KHDRBS2: variants seen among roughly 807,000 people sequenced by gnomAD.
KHDRBS2 encodes the protein KH domain-containing, RNA-binding, signal transduction-associated protein 2.
Under a neutral mutation model 44.3 loss-of-function variants are expected in KHDRBS2, and 26 were observed. The ratio of observed to expected loss-of-function variants is 0.59; its 90% CI spans 0.43 to 0.81. The LOEUF is 0.81. KHDRBS2 is among the 40% of genes least tolerant of loss of function. The pLI is 0.00. For missense variants in KHDRBS2, 476 were observed against 433.1 expected (o/e 1.10, Z -0.88); for synonymous variants, 194 against 151.1 (o/e 1.28, Z -2.08).
intron 7 of KHDRBS2, among the ~76,000 whole-genome samples, chr6:61,698,170 G>A (rs1768131952): frequency 6.6e-6 from 1 of 152,142 alleles, no homozygotes; most frequent in African/African-American, 2.4e-5. Context: ...TAACACAGTT[G>A]ATTATTTCAT....
At position 61,782,689 on chromosome 6, in the gene KHDRBS2, GTATATATATATATATATATATATA is replaced by G. The variant is rs70993182; in HGVS notation, c.811-49949_811-49926del. Among the ~76,000 whole-genome samples, 382 of 111,140 alleles carry G rather than the reference GTATATATATATATATATATATATA, an allele frequency of 3.4e-3. 9 individuals carry two copies. The highest frequency in any genetic ancestry group is 0.011 in the African/African-American group (351 of 33,280). The allele number at this position is 111,140 out of a possible 152,430, so 72.9% of individuals were successfully genotyped here. A position where few individuals can be genotyped will look rare whatever the true frequency, so the allele number is the denominator to read the frequency against. ...TTTTATACCTGTGTATAAAGGTTGT[GTATATATATATATATATATATATA>G]TATATATATATATATATATATATAT... On this transcript the variant is annotated intron_variant, in intron 6 of 8. Coordinates refer to ENST00000281156, the MANE Select transcript of KHDRBS2 (RefSeq NM_152688.4).
chr6:62,116,087 G>C (rs1392981690), intron 2 of KHDRBS2, among the ~76,000 whole-genome samples: 1 of 151,932 alleles, frequency 6.6e-6, no homozygotes, highest in Non-Finnish European at 1.5e-5. Context: ...AATAAGCACT[G>C]TGCTTATAAT....
intron 2 of KHDRBS2, among the ~76,000 whole-genome samples, chr6:62,144,668 A>T (rs1001100657): frequency 1.3e-5 from 2 of 151,978 alleles, no homozygotes; most frequent in African/African-American, 4.8e-5. Flanking sequence ...TTTTTTAAGA[A>T]AGTCTCCTTA....
chr6:61,857,573 A>T (rs1179207105), intron 6 of KHDRBS2, among the ~76,000 whole-genome samples: 1 of 122,402 alleles, frequency 8.2e-6, no homozygotes, highest in East Asian at 2.3e-4. Flanking sequence ...GGAAAATGTG[A>T]TTATTTACTT....
At chr6:62,177,683 C>T (rs147532091) in intron 1 of KHDRBS2, among the ~76,000 whole-genome samples, 2 of 151,200 alleles carry the variant, frequency 1.3e-5, no homozygotes, top group Non-Finnish European at 3.0e-5. Flanking sequence ...ATAAATAGAA[C>T]AAAATACATT....
chr6:62,073,102 A>G (rs940577742), intron 2 of KHDRBS2, among the ~76,000 whole-genome samples: 2 of 151,602 alleles, frequency 1.3e-5, no homozygotes, highest in Non-Finnish European at 3.0e-5. Flanking sequence ...TTATCCGGAA[A>G]GTGTTCACTT....
intron 2 of KHDRBS2, among the ~76,000 whole-genome samples, chr6:62,159,515 T>A (rs557868731): frequency 6.6e-6 from 1 of 152,230 alleles, no homozygotes; most frequent in Non-Finnish European, 1.5e-5. Flanking sequence ...ATACAGTAAC[T>A]GTGCTTCCAT....
chr6:61,945,096 A>AC (rs1812931862), intron 4 of KHDRBS2, among the ~76,000 whole-genome samples: 1 of 51,846 alleles, frequency 1.9e-5, no homozygotes, highest in African/African-American at 7.4e-5. Context: ...GTCTTAAAAA[A>AC]AAAAAAAAAA....
intron 2 of KHDRBS2, among the ~76,000 whole-genome samples, chr6:62,069,386 T>C (rs143492890): frequency 6.6e-6 from 1 of 151,762 alleles, no homozygotes; most frequent in Admixed American, 6.6e-5. Flanking sequence ...AGAAGACGCA[T>C]AGTCTGTGTG....
At chr6:62,058,685 G>A (rs1790886524) in intron 2 of KHDRBS2, among the ~76,000 whole-genome samples, 3 of 151,824 alleles carry the variant, frequency 2.0e-5, no homozygotes, top group Admixed American at 2.0e-4. Context: ...TATTAGAATA[G>A]AGTAGAACAT....
chr6:61,764,175 G>A (rs1453383094), intron 6 of KHDRBS2, among the ~76,000 whole-genome samples: 1 of 152,130 alleles, frequency 6.6e-6, no homozygotes, highest in Admixed American at 6.5e-5. Flanking sequence ...TTCCTTTTTA[G>A]GAGTGCATAG....
chr6:61,969,195 T>C (rs541673686), intron 4 of KHDRBS2, among the ~76,000 whole-genome samples: 8 of 152,038 alleles, frequency 5.3e-5, no homozygotes, highest in African/African-American at 1.7e-4. Flanking sequence ...TTATTGTTGC[T>C]CATAGAACTT....
chr6:61,736,747 C>T (rs1775422038), intron 6 of KHDRBS2, among the ~76,000 whole-genome samples: 1 of 152,060 alleles, frequency 6.6e-6, no homozygotes, highest in South Asian at 2.1e-4. Flanking sequence ...CTACTGATTC[C>T]TCAAGGTCAT....
At chr6:61,887,467 CTG>C (rs1562372493) in intron 6 of KHDRBS2, among the ~76,000 whole-genome samples, 1 of 152,108 alleles carries the variant, frequency 6.6e-6, no homozygotes, top group East Asian at 1.9e-4. Context: ...TATTTAAAGT[CTG>C]GGTTACGATG....
At position 62,124,961 on chromosome 6, in the gene KHDRBS2, T is replaced by C. The variant is rs34936892; in HGVS notation, c.219+52224A>G. Reference sequence around the variant, plus strand: ...ACTGGTGTAAGGTTATATCATATTGTGGTTTTAATTTGCATTTCTCTGATA... The same window carrying C: ...ACTGGTGTAAGGTTATATCATATTGCGGTTTTAATTTGCATTTCTCTGATA... On this transcript the variant is annotated intron_variant, in intron 2 of 8. Transcript: ENST00000281156. Among the ~76,000 whole-genome samples, 395 of 152,352 alleles carry C rather than the reference T, an allele frequency of 2.6e-3. 1 individual carries two copies. The highest frequency in any genetic ancestry group is 4.7e-3 in the Non-Finnish European group (321 of 68,018).
intron 4 of KHDRBS2, among the ~76,000 whole-genome samples, chr6:61,969,008 A>G (rs1200952880): frequency 2.3e-4 from 35 of 152,170 alleles, no homozygotes; most frequent in Non-Finnish European, 4.1e-4. Context: ...ATTGCCTTAG[A>G]AACCTGTTAA....
chr6:62,121,867 T>C (rs1052724695), intron 2 of KHDRBS2, among the ~76,000 whole-genome samples: 1 of 152,056 alleles, frequency 6.6e-6, no homozygotes, highest in Non-Finnish European at 1.5e-5. Context: ...GCCTTCTAGC[T>C]CAGTAAAATT....
rs551030258 is a variant in KHDRBS2, at chr6:62,068,722, A to G, written c.220-20728T>C. ...TTCATTGCTTTACATGTGACTAACC[A>G]GTTTTCCCAGTACCATTTGTTGAAA... On this transcript the variant is annotated intron_variant, in intron 2 of 8. Transcript: ENST00000281156. Among the ~76,000 whole-genome samples the G allele has an allele frequency of 2.6e-5, 4 of 151,744 alleles. No homozygotes were observed. In the South Asian group the frequency reaches 6.2e-4, roughly 24 times the overall value.
intron 4 of KHDRBS2, among the ~76,000 whole-genome samples, chr6:61,935,092 C>A (rs1299827231): frequency 6.6e-6 from 1 of 152,060 alleles, no homozygotes; most frequent in Non-Finnish European, 1.5e-5. Context: ...CTTGTATGAA[C>A]CCTCTTTCTA....
Sources: gnomAD v4.1 joint callset for allele counts (sites outside exome capture counted in the v4.1 genomes callset) on GRCh38, gnomAD v4.1.1 for gene constraint, MANE v1.5 for transcripts, NCBI Gene and HGNC (gene_info 2026-07-23, HGNC 2026-07-21) for gene names.